The following ROCK1 variants were observed in gnomAD, a reference collection of about 807,000 sequenced individuals.
ROCK1 encodes the protein Rho associated coiled-coil containing protein kinase 1.
ROCK1 carries 36 observed loss-of-function variants against 196.8 expected under a neutral mutation model. The observed-to-expected ratio is 0.18, with a 90% CI of 0.14 to 0.24. The LOEUF is 0.24. ROCK1 is among the 10% of genes least tolerant of loss of function. The probability of loss-of-function intolerance (pLI) is 1.00; values close to 1 mark genes in which losing one functional copy is unlikely to be tolerated. For missense variants in ROCK1, 920 were observed against 1,562.0 expected (o/e 0.59, Z 6.93); for synonymous variants, 443 against 515.9 (o/e 0.86, Z 1.91).
intron 16 of ROCK1, among the ~76,000 whole-genome samples, chr18:21,002,106 T>A (rs1403671544): frequency 1.3e-5 from 2 of 152,070 alleles, no homozygotes; most frequent in Non-Finnish European, 2.9e-5. Flanking sequence ...ACAAAAAAAA[T>A]TGTTTCCTAC....
intron 2 of ROCK1, among the ~76,000 whole-genome samples, chr18:21,054,358 C>G (rs1046001454): frequency 6.6e-6 from 1 of 151,926 alleles, no homozygotes; most frequent in Non-Finnish European, 1.5e-5. Context: ...AAAAAACATG[C>G]TTAGTTCATG....
At chr18:21,076,590 T>C (rs2036433459) in intron 1 of ROCK1, among the ~76,000 whole-genome samples, 1 of 152,036 alleles carries the variant, frequency 6.6e-6, no homozygotes, top group South Asian at 2.1e-4. Flanking sequence ...ATTTTTGTAT[T>C]TGTAGTAGAG....
chr18:21,054,249 CTCTAG>C lies in ROCK1; in HGVS notation c.176-4374_176-4370del, dbSNP rs1365368831. On this transcript the variant is annotated intron_variant, in intron 2 of 32. Coordinates refer to ENST00000399799, the MANE Select transcript of ROCK1 (RefSeq NM_005406.3). ...TACATATCAACTTCCAAATTTTTAT[CTCTAG>C]TCTAGTCTCTCTTAAACTTCAAACT... is the stretch of plus-strand genomic sequence containing the variant. 3.9e-5 allele frequency among the ~76,000 whole-genome samples: 6 copies of C among 152,098 alleles called. No homozygotes were observed. The South Asian group carries it at 6.2e-4, about 16-fold the overall frequency.
chr18:20,968,986 G>C, intron 24 of ROCK1, 126 bp from the exon 25 acceptor site: 1 of 889,868 alleles, frequency 1.1e-6, no homozygotes, highest in Admixed American at 2.3e-5. Flanking sequence ...ACTTCATTAA[G>C]ATAATTCTTA....
In ROCK1 at chr18:20,949,258, G is replaced by C. The variant is rs1052231018; in HGVS notation, c.*2126C>G. The C allele has an allele frequency of 8.6e-5, 13 of 152,020 alleles. No individual in the cohort carries two copies. Among genetic ancestry groups the C allele is most frequent in the African/African-American group, 3.1e-4 (13 of 41,398 alleles). The allele number at this position is 152,020 out of a possible 1,614,324, so 9.4% of individuals were successfully genotyped here. ...AGTCTGAGAAGGTAGTAAGGACACC[G>C]TCAGGAACTGTGCTGAGATTTTATC... On this transcript the variant is annotated 3_prime_UTR_variant, in exon 33 of 33. Coordinates refer to ENST00000399799, the MANE Select transcript of ROCK1 (RefSeq NM_005406.3).
chr18:21,059,481 C>T (rs2036270811), intron 2 of ROCK1, among the ~76,000 whole-genome samples: 1 of 152,140 alleles, frequency 6.6e-6, no homozygotes, highest in Non-Finnish European at 1.5e-5. Context: ...TATACTTGTG[C>T]TCGATGCTAC....
Position 21,045,454 on chromosome 18 carries a change from A to G in ROCK1, c.428T>C (p.Phe143Ser). 1 of 1,598,262 alleles carries G rather than the reference A, an allele frequency of 6.3e-7. No individual in the cohort carries two copies. Among genetic ancestry groups the G allele is most frequent in the Non-Finnish European group, 8.5e-7 (1 of 1,174,736 alleles). ...SPWVVQLFYA[F>S]QDDRYLYMVM... ...CATGTAGAGATAACGATCATCTTGGAATGCATAAAAAAGCTATACAAATAG... is the reference window on the plus strand; with the variant it reads ...CATGTAGAGATAACGATCATCTTGGGATGCATAAAAAAGCTATACAAATAG... Residue 143 changes from phenylalanine (F) to serine (S), a missense_variant, in exon 5 of 33, where the codon TTC becomes TCC. Coordinates refer to ENST00000399799, the MANE Select transcript of ROCK1 (RefSeq NM_005406.3).
intron 9 of ROCK1, among the ~76,000 whole-genome samples, chr18:21,038,813 C>T (rs1178618858): frequency 2.0e-5 from 3 of 152,148 alleles, no homozygotes; most frequent in East Asian, 1.9e-4. Flanking sequence ...CCCAAATCCA[C>T]GAAGATGATG....
chr18:21,049,562 T>C (rs1271594449), intron 3 of ROCK1, among the ~76,000 whole-genome samples: 1 of 152,252 alleles, frequency 6.6e-6, no homozygotes, highest in Non-Finnish European at 1.5e-5. Flanking sequence ...TATCTTCTGA[T>C]GCCTGACACT....
intron 2 of ROCK1, among the ~76,000 whole-genome samples, chr18:21,055,237 C>T (rs1267069861): frequency 6.6e-6 from 1 of 152,178 alleles, no homozygotes; most frequent in Non-Finnish European, 1.5e-5. Flanking sequence ...ATCACAATGA[C>T]TGATCCTATT....
At chr18:20,956,901 T>C (rs1010703678) in intron 29 of ROCK1, among the ~76,000 whole-genome samples, 5 of 152,172 alleles carry the variant, frequency 3.3e-5, no homozygotes, top group Non-Finnish European at 7.3e-5. Context: ...CAATGGCTAA[T>C]AACGACATGA....
At chr18:21,072,135 T>C (rs1278495380) in intron 1 of ROCK1, among the ~76,000 whole-genome samples, 7 of 152,200 alleles carry the variant, frequency 4.6e-5, no homozygotes. Flanking sequence ...AGTACTTTTG[T>C]TGTTGTTACA....
chr18:21,011,897 T>C (rs147121110), intron 13 of ROCK1, among the ~76,000 whole-genome samples: 3 of 152,176 alleles, frequency 2.0e-5, no homozygotes, highest in East Asian at 1.9e-4. Context: ...GAGAAAAAAA[T>C]GTATTTACCC....
chr18:21,093,154 A>G (rs796704192), intron 1 of ROCK1, among the ~76,000 whole-genome samples: 79 of 152,314 alleles, frequency 5.2e-4, no homozygotes, highest in African/African-American at 1.9e-3. Context: ...TAGAGATTCT[A>G]TTTGAAGGTA....
intron 8 of ROCK1, among the ~76,000 whole-genome samples, chr18:21,039,951 G>A (rs2036090703): frequency 6.6e-6 from 1 of 152,134 alleles, no homozygotes; most frequent in Non-Finnish European, 1.5e-5. Context: ...CAGCTACTTG[G>A]GAGGCTGAGA....
intron 2 of ROCK1, among the ~76,000 whole-genome samples, chr18:21,065,566 A>G (rs1169061924): frequency 2.6e-5 from 4 of 152,174 alleles, no homozygotes; most frequent in Admixed American, 1.3e-4. Flanking sequence ...AAGCATATAC[A>G]ATCATAATCA....
At chr18:20,997,858 G>A (rs1424508872) in intron 16 of ROCK1, among the ~76,000 whole-genome samples, 4 of 146,370 alleles carry the variant, frequency 2.7e-5, no homozygotes, top group South Asian at 2.1e-4. Flanking sequence ...TTTTTGAGAC[G>A]AAGTTTCGCT....
chr18:21,033,746 C>T (rs1401190309), intron 9 of ROCK1, among the ~76,000 whole-genome samples: 4 of 148,002 alleles, frequency 2.7e-5, no homozygotes, highest in South Asian at 2.2e-4. Flanking sequence ...AGGCCAGGCG[C>T]GGTGGCTCAC....
chr18:20,968,860 T>G lies in ROCK1; in HGVS notation c.2915A>C (p.Glu972Ala). The G allele has an allele frequency of 6.4e-7, 1 of 1,566,548 alleles. No homozygotes were observed. The highest frequency in any genetic ancestry group is 1.1e-5 in the South Asian group (1 of 89,710). The change falls in exon 25 of 33, where the codon GAA becomes GCA. Residue 972 changes from glutamate to alanine, a missense_variant and splice_region_variant. This residue lies in a region of ROCK1 where 520 missense variants were observed against 657.1 expected (regional missense o/e 0.79). Coordinates refer to ENST00000399799, the MANE Select transcript of ROCK1 (RefSeq NM_005406.3). ...CTCCTCCTCCTTCTCCAGTTTATAT[T>G]CTGTCAACAAATTATATTAAATGTT... The part of the protein sequence containing the change: ...LTEKMKKAEE[E>A]YKLEKEEEIS...
Sources: gnomAD v4.1 joint callset for allele counts (sites outside exome capture counted in the v4.1 genomes callset) on GRCh38, gnomAD v4.1.1 for gene constraint, gnomAD v4.1.1 regional missense constraint, MANE v1.5 for transcripts, NCBI Gene and HGNC (gene_info 2026-07-23, HGNC 2026-07-21) for gene names.